LCTL: variants seen among roughly 807,000 people sequenced by gnomAD.
LCTL encodes lactase-like protein.
In LCTL, 76 loss-of-function variants were observed where a neutral mutation model predicts 75.8. The observed-to-expected ratio is 1.00, with a 90% CI of 0.83 to 1.21. LCTL has a LOEUF of 1.21. Ranked by LOEUF, LCTL falls within the 50% of genes most tolerant of loss-of-function variation. The pLI, the probability that LCTL is intolerant of heterozygous loss-of-function variation, is 0.00. For missense variants in LCTL, 670 were observed against 712.4 expected (o/e 0.94, Z 0.68); for synonymous variants, 271 against 268.8 (o/e 1.01, Z -0.08).
At chr15:66,565,699 G>A (rs1218895651), upstream of LCTL, among the ~76,000 whole-genome samples, 1 of 152,162 alleles carries the variant, frequency 6.6e-6, no homozygotes, top group Non-Finnish European at 1.5e-5. Flanking sequence ...CCAGTCTGAG[G>A]GGGCAGGTGG....
At chr15:66,558,011 T>C (rs1895784584) in exon 7 of LCTL, 2 of 1,607,448 alleles carry the variant, frequency 1.2e-6, no homozygotes, top group African/African-American at 1.3e-5. Flanking sequence ...CGTGGTGTTA[T>C]AAGAATGCCA....
chr15:66,561,068 G>T, exon 6 of LCTL: 1 of 1,614,190 alleles, frequency 6.2e-7, no homozygotes, highest in South Asian at 1.1e-5. Flanking sequence ...CCCGGCGCAT[G>T]GTGGCCCGTC....
At chr15:66,558,035 G>T in exon 7 of LCTL, 1 of 1,601,658 alleles carries the variant, frequency 6.2e-7, no homozygotes, top group Non-Finnish European at 8.5e-7. Flanking sequence ...TTTGGCGTGG[G>T]CCTGAAAGGG....
Position 66,552,062 on chromosome 15 carries a change from G to A in LCTL, c.1305C>T (p.Tyr435=), listed in dbSNP as rs772281264. 6.8e-6 allele frequency: 11 copies of A among 1,610,668 alleles called. No individual in the cohort carries two copies. The East Asian group carries it at 2.2e-4, about 33-fold the overall frequency. ...TCTCACCTTTTAGCATTTCATTTATGTATCCTTTAAGGTATTGAATTCTCC... is the reference window on the plus strand; with the variant it reads ...TCTCACCTTTTAGCATTTCATTTATATATCCTTTAAGGTATTGAATTCTCC... The change falls in exon 10 of 13, where the codon TAC becomes TAT. Residue 435 remains tyrosine (Y), a synonymous_variant. Transcript: ENST00000341509.
intron 6 of LCTL, among the ~76,000 whole-genome samples, chr15:66,559,708 T>C (rs1895836119): frequency 6.6e-6 from 1 of 151,220 alleles, no homozygotes; most frequent in Non-Finnish European, 1.5e-5. Flanking sequence ...AATCTGTCTC[T>C]AAATAAATAA....
At chr15:66,560,966 G>C in intron 6 of LCTL, 40 bp downstream of exon 7, 1 of 1,594,864 alleles carries the variant, frequency 6.3e-7, no homozygotes, top group South Asian at 1.1e-5. Context: ...AGGCTGAGCT[G>C]ACCCTGAGGC....
chr15:66,553,179 G>A (rs1332658293), exon 9 of LCTL: 3 of 1,610,924 alleles, frequency 1.9e-6, no homozygotes, highest in African/African-American at 2.7e-5. Context: ...AATCGGATGT[G>A]CCTTTAATGT....
intron 9 of LCTL, 77 bp from the exon 11 acceptor site, chr15:66,552,246 G>A (rs1595931944): frequency 8.3e-6 from 10 of 1,199,080 alleles, no homozygotes; most frequent in Middle Eastern, 4.0e-4. Context: ...GGCTCATATA[G>A]GAACACATAT....
chr15:66,561,177 C>T lies in LCTL; in HGVS notation c.609+10G>A, dbSNP rs566794371. The T allele has an allele frequency of 3.3e-5, 53 of 1,614,160 alleles. No individual in the cohort carries two copies. In the South Asian group the frequency reaches 5.7e-4, roughly 17 times the overall value. ...TGTCACATTCTCCCACCTGGAGGGG[C>T]CCTGCTTACCCGAGGATCACTGAAC... On this transcript the variant is annotated intron_variant, in intron 5 of 12. Coordinates refer to ENST00000341509, the Ensembl canonical transcript of LCTL.
At chr15:66,555,627 A>G (rs1488193598) in intron 8 of LCTL, among the ~76,000 whole-genome samples, 3 of 152,220 alleles carry the variant, frequency 2.0e-5, no homozygotes, top group Middle Eastern at 3.2e-3. Flanking sequence ...CTTGACTCTG[A>G]CGCCAAAATC....
At chr15:66,549,183 A>G (rs1309506210) in intron 12 of LCTL, 3 of 152,246 alleles carry the variant, frequency 2.0e-5, no homozygotes, top group East Asian at 3.8e-4. Context: ...GGTTACTGAG[A>G]TAAATAAGGC....
At chr15:66,565,208 C>T (rs377160399) in intron 1 of LCTL, 40 bp downstream of exon 2, 7 of 1,383,280 alleles carry the variant, frequency 5.1e-6, no homozygotes, top group African/African-American at 1.4e-5. Flanking sequence ...GGCAGGTGGA[C>T]GACAGACAGG....
At chr15:66,560,509 C>T (rs948896583) in intron 6 of LCTL, among the ~76,000 whole-genome samples, 2 of 152,182 alleles carry the variant, frequency 1.3e-5, no homozygotes, top group African/African-American at 4.8e-5. Flanking sequence ...CATCACACTC[C>T]ACATACCTCT....
Position 66,559,941 on chromosome 15 carries a change from G to C in LCTL, c.705+1065C>G, listed in dbSNP as rs1251706052. Among the ~76,000 whole-genome samples, 6 of 151,974 alleles carry C rather than the reference G, an allele frequency of 3.9e-5. No homozygotes were observed. In the East Asian group the frequency reaches 1.2e-3, roughly 30 times the overall value. On this transcript the variant is annotated intron_variant, in intron 6 of 12. Coordinates refer to ENST00000341509, the Ensembl canonical transcript of LCTL. ...GTCTCTATCAAAAATGCAAAAATTA[G>C]CTGGGTGTGGTGGTGCACGCCTGTA...
At chr15:66,551,493 G>T (rs1053876741) in intron 11 of LCTL, among the ~76,000 whole-genome samples, 169 bp downstream of exon 12, 3 of 151,926 alleles carry the variant, frequency 2.0e-5, no homozygotes, top group African/African-American at 7.3e-5. Flanking sequence ...TTTACATCAT[G>T]CTTGCTCCAT....
intron 10 of LCTL, 62 bp from the exon 12 acceptor site, chr15:66,551,923 G>A: frequency 1.3e-6 from 2 of 1,527,372 alleles, no homozygotes. Flanking sequence ...TAAAACTGAA[G>A]ATAATGTTAA....
At chr15:66,548,647 A>C (rs11858742) in intron 12 of LCTL, 42 bp from the exon 14 acceptor site, 105,418 of 1,021,732 alleles carry the variant, frequency 0.1, 6,295 homozygotes, top group Middle Eastern at 0.16. Context: ...TGAGAACAGG[A>C]TCATTTTAGT....
chr15:66,563,807 G>T, intron 3 of LCTL, 104 bp downstream of exon 4: 1 of 976,020 alleles, frequency 1.0e-6, no homozygotes, highest in Non-Finnish European at 1.6e-6. Flanking sequence ...CAGCAACTAC[G>T]TTCATGGGCT....
chr15:66,564,940 T>G, intron 1 of LCTL, 101 bp from the exon 3 acceptor site: 1 of 1,120,512 alleles, frequency 8.9e-7, no homozygotes, highest in Non-Finnish European at 1.3e-6. Context: ...TGCCCCTCCC[T>G]ACCACGCTGC....
Sources: allele counts gnomAD v4.1 joint callset (sites outside exome capture counted in the v4.1 genomes callset), GRCh38; gene constraint gnomAD v4.1.1; transcripts MANE v1.5; gene names NCBI Gene and HGNC (gene_info 2026-07-23, HGNC 2026-07-21).